CDC37L1: variants seen among roughly 807,000 people sequenced by gnomAD.
The protein encoded by CDC37L1 is hsp90 co-chaperone Cdc37-like 1.
A neutral mutation model predicts 45.9 loss-of-function variants in CDC37L1; 32 were observed. The observed-to-expected ratio is 0.70, with a 90% confidence interval of 0.53 to 0.94. The LOEUF (loss-of-function observed/expected upper bound fraction) is 0.94. Among genes scored for constraint, CDC37L1 ranks in the 40% least tolerant of loss-of-function variants. The pLI is 0.00. For synonymous variants in CDC37L1, 150 were observed against 133.0 expected (o/e 1.13, Z -0.88); for missense variants, 434 against 405.7 (o/e 1.07, Z -0.60).
In CDC37L1 at chr9:4,698,043, A is replaced by C. The variant is rs184358515; in HGVS notation, c.747+164A>C. 4.8e-3 allele frequency among the ~76,000 whole-genome samples: 738 copies of C among 152,332 alleles called. 5 individuals carry two copies. Among genetic ancestry groups the C allele is most frequent in the Middle Eastern group, 0.027 (8 of 294 alleles). Reference sequence around the variant, plus strand: ...TATATTGCTAATTTCTTGCTAATTTAAACTTAAAAGAGCTATATAAGAGGC... The same window carrying C: ...TATATTGCTAATTTCTTGCTAATTTCAACTTAAAAGAGCTATATAAGAGGC... On this transcript the variant is annotated intron_variant, in intron 5 of 6. Transcript: ENST00000381854.
At chr9:4,705,069 A>G (rs1841430148) in intron 6 of CDC37L1, among the ~76,000 whole-genome samples, 1 of 152,116 alleles carries the variant, frequency 6.6e-6, no homozygotes, top group Non-Finnish European at 1.5e-5. Context: ...GAATCTCACA[A>G]AGTGTTGTAC....
At chr9:4,703,541 G>A (rs1218944135) in intron 6 of CDC37L1, among the ~76,000 whole-genome samples, 1 of 152,106 alleles carries the variant, frequency 6.6e-6, no homozygotes, top group Non-Finnish European at 1.5e-5. Context: ...ATAGCCCATA[G>A]GGAAGTAGTT....
At position 4,688,589 on chromosome 9, in the gene CDC37L1, A is replaced by G. The variant is rs141806616; in HGVS notation, c.491A>G (p.Gln164Arg). The change falls in exon 3 of 7, where the codon CAA becomes CGA. Residue 164 changes from glutamine to arginine, a missense_variant. Coordinates refer to ENST00000381854, the MANE Select transcript of CDC37L1 (RefSeq NM_017913.4). Reference sequence around the variant, plus strand: ...GAATCATTTATGCAAAAATATGAGCAAAAAATCAGACATTTTGGTAAGTCT... The same window carrying G: ...GAATCATTTATGCAAAAATATGAGCGAAAAATCAGACATTTTGGTAAGTCT... ...KSESFMQKYE[Q>R]KIRHFGMLSR... 6.3e-5 allele frequency: 96 copies of G among 1,521,240 alleles called. No homozygotes were observed. The highest frequency in any genetic ancestry group is 8.4e-5 in the Non-Finnish European group (95 of 1,125,824). 94.2% of individuals were successfully genotyped at this position (1,521,240 alleles called of 1,614,324 possible).
At chr9:4,693,139 T>C (rs1388308663) in intron 3 of CDC37L1, among the ~76,000 whole-genome samples, 1 of 151,974 alleles carries the variant, frequency 6.6e-6, no homozygotes, top group Admixed American at 6.6e-5. Context: ...ATTAGTGTAG[T>C]TTGTTAAAAT....
chr9:4,691,368 T>C (rs1174965977), intron 3 of CDC37L1, among the ~76,000 whole-genome samples: 3 of 152,204 alleles, frequency 2.0e-5, no homozygotes, highest in Admixed American at 1.3e-4. Context: ...TGTTCCCCTT[T>C]ATGTGTGCAT....
intron 3 of CDC37L1, among the ~76,000 whole-genome samples, chr9:4,694,270 C>A (rs1029468817): frequency 1.3e-5 from 2 of 152,064 alleles, no homozygotes; most frequent in African/African-American, 2.4e-5. Context: ...TGTGGAGACA[C>A]GGTCTCATTT....
At position 4,701,978 on chromosome 9, in the gene CDC37L1, G is replaced by T. The variant is rs1485260601; in HGVS notation, c.862G>T (p.Val288Phe). The T allele has an allele frequency of 1.9e-6, 3 of 1,547,102 alleles. No homozygotes were observed. Among genetic ancestry groups the T allele is most frequent in the South Asian group, 1.2e-5 (1 of 81,072 alleles). ...TCAACCTATGACAGTTCAGAATCATGTTCCCCATTCTGGTGTTGGATCTAT... is the reference window on the plus strand; with the variant it reads ...TCAACCTATGACAGTTCAGAATCATTTTCCCCATTCTGGTGTTGGATCTAT... ...SFQPMTVQNH[V>F]PHSGVGSIGL... Residue 288 changes from valine to phenylalanine, a missense_variant, in exon 6 of 7, where the codon GTT becomes TTT. By Grantham distance (50) the Val-to-Phe change is conservative. Coordinates refer to ENST00000381854, the MANE Select transcript of CDC37L1 (RefSeq NM_017913.4).
In CDC37L1 at chr9:4,697,118, T is replaced by C. The variant is rs750004119; in HGVS notation, c.531T>C (p.Asp177=). The change falls in exon 4 of 7, where the codon GAT becomes GAC. Residue 177 remains aspartate, a synonymous_variant. Transcript: ENST00000381854. The part of the protein sequence containing the change: ...RHFGMLSRWD[D]SQRFLSDHPY... ...CAGGTATGTTGAGTCGATGGGATGA[T>C]AGCCAGAGATTTTTGTCTGACCATC... The C allele has an allele frequency of 1.5e-5, 23 of 1,546,776 alleles. No homozygotes were observed. In the South Asian group the frequency reaches 2.0e-4, roughly 14 times the overall value.
chr9:4,703,787 G>C (rs546704111), intron 6 of CDC37L1, among the ~76,000 whole-genome samples: 1 of 152,298 alleles, frequency 6.6e-6, no homozygotes, highest in Admixed American at 6.5e-5. Context: ...CTATATATTA[G>C]ATAGCAACTG....
intron 6 of CDC37L1, among the ~76,000 whole-genome samples, chr9:4,704,336 T>G (rs780791662): frequency 6.6e-6 from 1 of 152,232 alleles, no homozygotes; most frequent in Non-Finnish European, 1.5e-5. Flanking sequence ...CTTCACTGCT[T>G]ATTCACCTAT....
intron 3 of CDC37L1, among the ~76,000 whole-genome samples, chr9:4,696,741 A>G (rs1841351255): frequency 6.6e-6 from 1 of 152,242 alleles, no homozygotes; most frequent in Non-Finnish European, 1.5e-5. Context: ...TATAACAGAC[A>G]TCATGAGTAA....
intron 1 of CDC37L1, among the ~76,000 whole-genome samples, chr9:4,684,415 T>G (rs1841227507): frequency 6.6e-6 from 1 of 152,046 alleles, no homozygotes; most frequent in Non-Finnish European, 1.5e-5. Flanking sequence ...AAAATACAGA[T>G]AGAAAATAGA....
At chr9:4,682,356 T>A (rs933572195) in intron 1 of CDC37L1, among the ~76,000 whole-genome samples, 1 of 147,754 alleles carries the variant, frequency 6.8e-6, no homozygotes, top group African/African-American at 2.5e-5. Context: ...AGATGGAGTC[T>A]CGCTGTGTCA....
chr9:4,694,917 G>T (rs1841332772), intron 3 of CDC37L1, among the ~76,000 whole-genome samples: 1 of 151,986 alleles, frequency 6.6e-6, no homozygotes, highest in Non-Finnish European at 1.5e-5. Flanking sequence ...CTTCCCCATG[G>T]CCCCAAGTGT....
chr9:4,698,941 C>A (rs959816026), intron 5 of CDC37L1, among the ~76,000 whole-genome samples: 63 of 151,480 alleles, frequency 4.2e-4, no homozygotes, highest in Non-Finnish European at 7.8e-4. Flanking sequence ...TTTTGGAAAA[C>A]TTTTTTTTTA....
chr9:4,702,815 G>C (rs917339865), intron 6 of CDC37L1, among the ~76,000 whole-genome samples: 1 of 150,372 alleles, frequency 6.7e-6, no homozygotes, highest in Non-Finnish European at 1.5e-5. Flanking sequence ...CGTGAACCCG[G>C]GAGGCAGAGC....
intron 3 of CDC37L1, among the ~76,000 whole-genome samples, chr9:4,695,583 C>T (rs975933043): frequency 2.0e-5 from 3 of 152,072 alleles, no homozygotes; most frequent in African/African-American, 7.2e-5. Context: ...GCCTCTAGCT[C>T]CTAGGCTCCC....
intron 4 of CDC37L1, 133 bp downstream of exon 4, chr9:4,697,344 A>AT (rs1841357375): frequency 1.6e-6 from 1 of 616,578 alleles, no homozygotes; most frequent in Non-Finnish European, 2.8e-6. Context: ...TGGAATTACC[A>AT]TTTTTTGCTT....
chr9:4,702,417 C>T (rs76803626), intron 6 of CDC37L1, among the ~76,000 whole-genome samples: 19,248 of 152,198 alleles, frequency 0.13, 1,888 homozygotes, highest in African/African-American at 0.27. Context: ...TGGACATGCA[C>T]ATGGAACCAG....
Sources: gnomAD v4.1 joint callset for allele counts (sites outside exome capture counted in the v4.1 genomes callset) on GRCh38, gnomAD v4.1.1 for gene constraint, MANE v1.5 for transcripts, NCBI Gene and HGNC (gene_info 2026-07-23, HGNC 2026-07-21) for gene names.